Variants in SLC12A8 observed in about 807,000 individuals in gnomAD.
The protein encoded by SLC12A8 is solute carrier family 12 member 8.
Under a neutral mutation model 75.6 loss-of-function variants are expected in SLC12A8, and 69 were observed. That is an observed-to-expected ratio of 0.91 (90% CI 0.75 to 1.11). The LOEUF (loss-of-function observed/expected upper bound fraction) is 1.11. Ranked by LOEUF, SLC12A8 falls within the 50% of genes most tolerant of loss-of-function variation. The probability of loss-of-function intolerance (pLI) is 0.00; values close to 1 mark genes in which losing one functional copy is unlikely to be tolerated. For synonymous variants in SLC12A8, 365 were observed against 372.8 expected (o/e 0.98, Z 0.24); for missense variants, 877 against 896.7 (o/e 0.98, Z 0.28).
chr3:125,093,722 T>C (rs1185450703), intron 10 of SLC12A8, among the ~76,000 whole-genome samples: 1 of 152,174 alleles, frequency 6.6e-6, no homozygotes, highest in Admixed American at 6.6e-5. Flanking sequence ...GGGGGCAGGG[T>C]CCACATCCAT....
chr3:125,085,671 G>A (rs1200916006), intron 13 of SLC12A8, among the ~76,000 whole-genome samples: 1 of 152,146 alleles, frequency 6.6e-6, no homozygotes, highest in Non-Finnish European at 1.5e-5. Context: ...CTGCCTCCCA[G>A]GTTCAAGCAA....
intron 5 of SLC12A8, among the ~76,000 whole-genome samples, chr3:125,176,338 T>A (rs1473436047): frequency 6.6e-6 from 1 of 152,174 alleles, no homozygotes; most frequent in Non-Finnish European, 1.5e-5. Flanking sequence ...CCCAAAGGGC[T>A]GGGAATACAG....
chr3:125,173,861 C>T (rs888090999), intron 5 of SLC12A8, among the ~76,000 whole-genome samples: 12 of 152,142 alleles, frequency 7.9e-5, no homozygotes, highest in African/African-American at 2.7e-4. Context: ...GAGGCTGAGG[C>T]GGGTGGATCT....
intron 5 of SLC12A8, among the ~76,000 whole-genome samples, chr3:125,148,375 G>A (rs1333024624): frequency 6.6e-6 from 1 of 152,138 alleles, no homozygotes; most frequent in East Asian, 1.9e-4. Flanking sequence ...GAAGATGAAG[G>A]TGCATGCCTC....
intron 4 of SLC12A8, among the ~76,000 whole-genome samples, chr3:125,185,944 A>T (rs984645639): frequency 1.3e-5 from 2 of 152,194 alleles, no homozygotes; most frequent in African/African-American, 4.8e-5. Flanking sequence ...CTTAGAAAAC[A>T]TCTTATCTGT....
intron 5 of SLC12A8, among the ~76,000 whole-genome samples, chr3:125,170,206 CA>C (rs1934378878): frequency 6.6e-6 from 1 of 152,198 alleles, no homozygotes. Context: ...GTTCAGAATG[CA>C]ACAACTTTAT....
intron 5 of SLC12A8, among the ~76,000 whole-genome samples, chr3:125,168,925 A>T (rs1934349054): frequency 6.6e-6 from 1 of 152,106 alleles, no homozygotes; most frequent in African/African-American, 2.4e-5. Flanking sequence ...GGCCCAACTG[A>T]TCCACCTCCC....
chr3:125,201,974 C>T (rs962023739), intron 2 of SLC12A8, among the ~76,000 whole-genome samples: 1 of 152,090 alleles, frequency 6.6e-6, no homozygotes, highest in South Asian at 2.1e-4. Flanking sequence ...GGGGTTTGAT[C>T]TCAGCTCACT....
At chr3:125,138,630 C>T (rs931415010) in intron 5 of SLC12A8, among the ~76,000 whole-genome samples, 6 of 151,982 alleles carry the variant, frequency 3.9e-5, no homozygotes, top group African/African-American at 7.3e-5. Flanking sequence ...GAAAACACAC[C>T]GAAATACTAA....
intron 5 of SLC12A8, among the ~76,000 whole-genome samples, chr3:125,162,024 C>T (rs563449672): frequency 5.9e-5 from 9 of 152,330 alleles, no homozygotes; most frequent in East Asian, 3.9e-4. Context: ...AGGCATTGTG[C>T]GATCCTCTGC....
chr3:125,100,970 G>A (rs983964727), intron 10 of SLC12A8, among the ~76,000 whole-genome samples: 6 of 128,836 alleles, frequency 4.7e-5, no homozygotes, highest in East Asian at 4.6e-4. Flanking sequence ...CCGAGATTGC[G>A]CCACTGCAGT....
chr3:125,136,861 A>C (rs1426553625), intron 5 of SLC12A8, among the ~76,000 whole-genome samples: 1 of 152,190 alleles, frequency 6.6e-6, no homozygotes, highest in East Asian at 1.9e-4. Context: ...TGGGCTGTGG[A>C]ATTTTAAGAC....
intron 10 of SLC12A8, among the ~76,000 whole-genome samples, chr3:125,101,206 T>C (rs1579468611): frequency 6.6e-6 from 1 of 152,300 alleles, no homozygotes; most frequent in South Asian, 2.1e-4. Context: ...AGCAAGTGTT[T>C]AACTTCTCTG....
At chr3:125,181,623 A>T (rs1218298665) in intron 4 of SLC12A8, among the ~76,000 whole-genome samples, 1 of 149,884 alleles carries the variant, frequency 6.7e-6, no homozygotes, top group South Asian at 2.1e-4. Flanking sequence ...AAAAAAAAAA[A>T]AAAAGAAAAA....
chr3:125,124,586 A>G (rs1480254010), intron 6 of SLC12A8, among the ~76,000 whole-genome samples: 10 of 152,156 alleles, frequency 6.6e-5, no homozygotes, highest in African/African-American at 2.2e-4. Context: ...CTCGGCCTCC[A>G]AAGTGCTGGG....
At chr3:125,192,642 C>A (rs566708883) in intron 2 of SLC12A8, 14 of 154,484 alleles carry the variant, frequency 9.1e-5, no homozygotes, top group African/African-American at 3.1e-4. Flanking sequence ...AGTCAATCAG[C>A]CTCAAGGGTA....
chr3:125,090,353 T>C (rs1938555051), intron 12 of SLC12A8, among the ~76,000 whole-genome samples: 2 of 152,240 alleles, frequency 1.3e-5, no homozygotes, highest in Admixed American at 1.3e-4. Context: ...TAGTCTCTCC[T>C]GGTAAATGTT....
chr3:125,208,875 A>G (rs1332777253), intron 2 of SLC12A8, among the ~76,000 whole-genome samples: 1 of 151,346 alleles, frequency 6.6e-6, no homozygotes, highest in African/African-American at 2.4e-5. Flanking sequence ...GAGTCCATTC[A>G]TTCACCCTCC....
At chr3:125,108,167 G>A in intron 9 of SLC12A8, 41 bp from the exon 10 acceptor site, 1 of 1,561,766 alleles carries the variant, frequency 6.4e-7, no homozygotes, top group Non-Finnish European at 8.7e-7. Flanking sequence ...TAAAATTTCA[G>A]ATAGAACGCT....
Sources: allele counts gnomAD v4.1 joint callset (sites outside exome capture counted in the v4.1 genomes callset), GRCh38; gene constraint gnomAD v4.1.1; transcripts MANE v1.5; gene names NCBI Gene and HGNC (gene_info 2026-07-23, HGNC 2026-07-21).